The following CHODL variants were observed in gnomAD, a reference collection of about 807,000 sequenced individuals.
CHODL encodes transmembrane protein MT75.
Under a neutral mutation model 34.5 loss-of-function variants are expected in CHODL, and 29 were observed. The observed-to-expected ratio is 0.84, with a 90% CI of 0.63 to 1.15. The LOEUF (loss-of-function observed/expected upper bound fraction) is 1.15, where lower values mean the gene tolerates loss of function less well. Among genes scored for constraint, CHODL ranks in the 50% most tolerant of loss-of-function variants. The pLI is 0.00. For missense variants in CHODL, 332 were observed against 332.5 expected (o/e 1.00, Z 0.01); for synonymous variants, 125 against 116.1 (o/e 1.08, Z -0.49).
At chr21:18,239,643 T>C (rs988022176) in intron 2 of CHODL, among the ~76,000 whole-genome samples, 3 of 152,126 alleles carry the variant, frequency 2.0e-5, no homozygotes, top group African/African-American at 7.2e-5. Context: ...CTTTCCCTTT[T>C]AGTAAAATAA....
chr21:18,199,255 G>A (rs1050872819), intron 2 of CHODL, among the ~76,000 whole-genome samples: 7 of 152,014 alleles, frequency 4.6e-5, no homozygotes, highest in African/African-American at 1.7e-4. Flanking sequence ...TTTTAAGGGC[G>A]GTATCGTTTC....
chr21:17,938,833 G>T (rs1277110146), intron 1 of CHODL, among the ~76,000 whole-genome samples: 1 of 151,956 alleles, frequency 6.6e-6, no homozygotes, highest in Non-Finnish European at 1.5e-5. Flanking sequence ...ATTCCCAGGG[G>T]CATACAAACA....
intron 2 of CHODL, among the ~76,000 whole-genome samples, chr21:18,104,198 G>T (rs2065247865): frequency 6.6e-6 from 1 of 152,124 alleles, no homozygotes; most frequent in Non-Finnish European, 1.5e-5. Context: ...GTATGGTTAG[G>T]CTTTGTGTCC....
chr21:18,042,423 T>C (rs952581622), intron 2 of CHODL, among the ~76,000 whole-genome samples: 3 of 151,954 alleles, frequency 2.0e-5, no homozygotes, highest in African/African-American at 7.2e-5. Flanking sequence ...CCAGGTACAA[T>C]AGAATTATAG....
At chr21:18,211,141 T>TACACACACACACACACACACACAC (rs3077936) in intron 2 of CHODL, among the ~76,000 whole-genome samples, 1 of 148,684 alleles carries the variant, frequency 6.7e-6, no homozygotes, top group African/African-American at 2.5e-5. Context: ...TACACATGGA[T>TACACACACACACACACACACACAC]ACACACACAC....
chr21:18,164,498 G>A (rs1201031686), intron 2 of CHODL, among the ~76,000 whole-genome samples: 6 of 152,174 alleles, frequency 3.9e-5, no homozygotes, highest in Admixed American at 3.9e-4. Context: ...AAAGGCTTTG[G>A]AATTAGACAA....
chr21:17,919,208 G>T (rs1259487190), intron 1 of CHODL, among the ~76,000 whole-genome samples: 1 of 152,206 alleles, frequency 6.6e-6, no homozygotes, highest in Admixed American at 6.5e-5. Context: ...GCTGCACTAG[G>T]TGGTGCCCCC....
chr21:18,133,528 A>G (rs536824904), intron 2 of CHODL, among the ~76,000 whole-genome samples: 6 of 152,280 alleles, frequency 3.9e-5, no homozygotes, highest in African/African-American at 1.2e-4. Flanking sequence ...TCTTGTATCC[A>G]CTTTTATTCT....
chr21:18,077,367 T>C (rs1028396045), intron 2 of CHODL, among the ~76,000 whole-genome samples: 2 of 152,206 alleles, frequency 1.3e-5, no homozygotes, highest in African/African-American at 4.8e-5. Context: ...TATGAGACTT[T>C]GGACTTTAGA....
intron 2 of CHODL, among the ~76,000 whole-genome samples, chr21:18,063,863 T>C (rs1440875398): frequency 6.6e-6 from 1 of 152,118 alleles, no homozygotes; most frequent in Non-Finnish European, 1.5e-5. Flanking sequence ...TTTCTCTCAC[T>C]CACTCTCTCT....
At chr21:18,120,303 A>C (rs2065464163) in intron 2 of CHODL, among the ~76,000 whole-genome samples, 2 of 152,206 alleles carry the variant, frequency 1.3e-5, no homozygotes, top group South Asian at 4.1e-4. Flanking sequence ...GGAAAACTGA[A>C]CATACCTGGG....
chr21:18,247,365 A>G (rs2074153860), intron 1 of CHODL, among the ~76,000 whole-genome samples: 1 of 152,194 alleles, frequency 6.6e-6, no homozygotes. Context: ...ACAACAATTT[A>G]TAATTTCTAT....
At chr21:18,074,967 A>G (rs1056526921) in intron 2 of CHODL, among the ~76,000 whole-genome samples, 2 of 152,212 alleles carry the variant, frequency 1.3e-5, no homozygotes, top group Non-Finnish European at 2.9e-5. Flanking sequence ...ATAAAGAGAT[A>G]GTTACTAATG....
At chr21:17,935,920 C>T (rs937815798) in intron 1 of CHODL, among the ~76,000 whole-genome samples, 28 of 152,242 alleles carry the variant, frequency 1.8e-4, no homozygotes, top group African/African-American at 6.0e-4. Context: ...GTGATGAGTG[C>T]CACATCTAAG....
intron 1 of CHODL, among the ~76,000 whole-genome samples, chr21:18,019,207 T>C (rs1189056817): frequency 1.3e-5 from 2 of 152,206 alleles, no homozygotes; most frequent in African/African-American, 4.8e-5. Flanking sequence ...TTCTAGCTAA[T>C]GTTCAAAACA....
chr21:18,120,441 C>T (rs1431224811), intron 2 of CHODL, among the ~76,000 whole-genome samples: 1 of 152,104 alleles, frequency 6.6e-6, no homozygotes, highest in Non-Finnish European at 1.5e-5. Flanking sequence ...ACATCCCTGT[C>T]ATTTCTAATC....
chr21:18,047,598 G>A (rs931611509), intron 2 of CHODL, among the ~76,000 whole-genome samples: 1 of 151,798 alleles, frequency 6.6e-6, no homozygotes, highest in Non-Finnish European at 1.5e-5. Flanking sequence ...CACCATTGGC[G>A]CTCCCCACAT....
chr21:18,121,534 A>G (rs546846134), intron 2 of CHODL, among the ~76,000 whole-genome samples: 166 of 145,048 alleles, frequency 1.1e-3, no homozygotes, highest in African/African-American at 4.0e-3. Context: ...TGTTCTTCAA[A>G]TCTCCTCACT....
intron 2 of CHODL, among the ~76,000 whole-genome samples, chr21:18,239,831 T>A (rs867506418): frequency 1.6e-4 from 25 of 152,166 alleles, no homozygotes; most frequent in African/African-American, 5.8e-4. Context: ...CATAGAAAAT[T>A]TTCAGAACTC....
Sources: gnomAD v4.1 joint callset for allele counts (sites outside exome capture counted in the v4.1 genomes callset) on GRCh38, gnomAD v4.1.1 for gene constraint, MANE v1.5 for transcripts, NCBI Gene and HGNC (gene_info 2026-07-23, HGNC 2026-07-21) for gene names.